The following DIAPH2 variants were observed in gnomAD, a reference collection of about 807,000 sequenced individuals.
DIAPH2 encodes protein diaphanous homolog 2.
DIAPH2 carries 35 observed loss-of-function variants against 92.7 expected under a neutral mutation model. The observed-to-expected ratio is 0.38, with a 90% CI of 0.29 to 0.50. The LOEUF (loss-of-function observed/expected upper bound fraction) is 0.50, where lower values mean the gene tolerates loss of function less well. Among genes scored for constraint, DIAPH2 ranks in the 20% least tolerant of loss-of-function variants. The pLI is 0.94. For missense variants in DIAPH2, 701 were observed against 819.5 expected (o/e 0.86, Z 1.77); for synonymous variants, 301 against 280.4 (o/e 1.07, Z -0.73).
intron 26 of DIAPH2, among the ~76,000 whole-genome samples, chrX:97,506,673 G>T (rs934730137): frequency 9.1e-6 from 1 of 110,434 alleles, no homozygotes; most frequent in South Asian, 3.9e-4. Context: ...ATGTCCAAGA[G>T]TCAGTTCGAG....
intron 22 of DIAPH2, among the ~76,000 whole-genome samples, chrX:97,179,912 A>G (rs188443546): frequency 1.4e-3 from 154 of 111,888 alleles, no homozygotes; most frequent in Non-Finnish European, 2.8e-3. Context: ...GATAAAACCA[A>G]CAGATCTTGT....
At chrX:97,150,243 A>G (rs984865793) in intron 22 of DIAPH2, among the ~76,000 whole-genome samples, 2 of 111,746 alleles carry the variant, frequency 1.8e-5, no homozygotes, top group African/African-American at 6.5e-5. Flanking sequence ...TAATCTAGTC[A>G]TTACCAAACA....
intron 10 of DIAPH2, among the ~76,000 whole-genome samples, chrX:96,936,987 C>T (rs138544001): frequency 0.016 from 1,819 of 110,982 alleles, 22 homozygotes; most frequent in Non-Finnish European, 0.022. Context: ...TAGAACTGAT[C>T]GTTAATTTTT....
At chrX:97,454,949 A>G (rs2070391279) in intron 26 of DIAPH2, among the ~76,000 whole-genome samples, 1 of 112,350 alleles carries the variant, frequency 8.9e-6, no homozygotes, top group Admixed American at 9.4e-5. Flanking sequence ...AAATAGACAC[A>G]CCTCAAATAT....
intron 4 of DIAPH2, among the ~76,000 whole-genome samples, chrX:96,769,347 G>T (rs1410573632): frequency 8.9e-6 from 1 of 111,951 alleles, no homozygotes; most frequent in Non-Finnish European, 1.9e-5. Context: ...AATAGCAGGA[G>T]TAAAGGTATC....
At chrX:97,402,938 G>A (rs1465311542) in intron 25 of DIAPH2, among the ~76,000 whole-genome samples, 1 of 112,376 alleles carries the variant, frequency 8.9e-6, no homozygotes, top group Non-Finnish European at 1.9e-5. Flanking sequence ...TTACAGATGA[G>A]TTTTGTTTTA....
At chrX:97,505,920 C>A (rs2070828638) in intron 26 of DIAPH2, among the ~76,000 whole-genome samples, 1 of 110,261 alleles carries the variant, frequency 9.1e-6, no homozygotes, top group South Asian at 3.8e-4. Flanking sequence ...TGTATATTTC[C>A]AATTCCCTCC....
chrX:96,811,162 C>A (rs1179418931), intron 4 of DIAPH2, among the ~76,000 whole-genome samples: 3 of 111,658 alleles, frequency 2.7e-5, no homozygotes, highest in Non-Finnish European at 3.8e-5. Context: ...ATGGAATGTT[C>A]TTCCATTTCT....
chrX:97,574,715 G>A lies in DIAPH2; in HGVS notation c.3242-24538G>A, dbSNP rs752711088. Among the ~76,000 whole-genome samples, 14 of 112,228 alleles carry A rather than the reference G, an allele frequency of 1.2e-4. No homozygotes were observed. In the South Asian group the frequency reaches 5.2e-3, roughly 42 times the overall value. On this transcript the variant is annotated intron_variant, in intron 26 of 26. Coordinates refer to ENST00000324765, the MANE Select transcript of DIAPH2 (RefSeq NM_006729.5). ...TGCTGGAACATAGGTATGAGAGGCT[G>A]GAAAGATGAATAGTCATGATAGGCC...
At chrX:97,249,387 T>C (rs918584172) in intron 23 of DIAPH2, among the ~76,000 whole-genome samples, 11 of 112,373 alleles carry the variant, frequency 9.8e-5, no homozygotes, top group African/African-American at 3.2e-4. Context: ...ATGTTACAGA[T>C]GAATGGTTAT....
chrX:96,923,253 A>G (rs2065558394), intron 9 of DIAPH2, among the ~76,000 whole-genome samples: 1 of 112,024 alleles, frequency 8.9e-6, no homozygotes, highest in Non-Finnish European at 1.9e-5. Flanking sequence ...ATAATTTAAT[A>G]CATTTAAAAA....
chrX:97,505,401 G>A (rs1008418300), intron 26 of DIAPH2, among the ~76,000 whole-genome samples: 3 of 112,001 alleles, frequency 2.7e-5, no homozygotes, highest in Non-Finnish European at 5.6e-5. Context: ...AAGCAAGGAG[G>A]CATTTGAGTA....
intron 26 of DIAPH2, among the ~76,000 whole-genome samples, chrX:97,504,729 A>C (rs1481143637): frequency 8.9e-6 from 1 of 112,482 alleles, no homozygotes; most frequent in Non-Finnish European, 1.9e-5. Context: ...CTGTGTCAGA[A>C]GTGATGCCAG....
chrX:96,787,686 CTTT>C (rs56998803), intron 4 of DIAPH2, among the ~76,000 whole-genome samples: 3 of 54,735 alleles, frequency 5.5e-5, no homozygotes, highest in Non-Finnish European at 3.0e-5. Context: ...ACTCTTTTCT[CTTT>C]TTTTTTTTTT....
intron 26 of DIAPH2, among the ~76,000 whole-genome samples, chrX:97,476,984 T>TACACACACACACACACACACAC (rs1190615516): frequency 1.8e-5 from 1 of 57,092 alleles, no homozygotes; most frequent in Non-Finnish European, 2.9e-5. Context: ...TATATATATA[T>TACACACACACACACACACACAC]ACACACACAC....
chrX:97,022,880 C>G (rs1242023404), intron 17 of DIAPH2, among the ~76,000 whole-genome samples: 1 of 110,623 alleles, frequency 9.0e-6, no homozygotes, highest in Non-Finnish European at 1.9e-5. Flanking sequence ...ATAGGGAGAC[C>G]CCATCTCTAC....
At chrX:97,062,672 A>G (rs965215540) in intron 17 of DIAPH2, among the ~76,000 whole-genome samples, 8 of 111,433 alleles carry the variant, frequency 7.2e-5, no homozygotes, top group Non-Finnish European at 1.5e-4. Flanking sequence ...CATTTCCAAA[A>G]TGGTCTCAAA....
intron 22 of DIAPH2, among the ~76,000 whole-genome samples, chrX:97,185,017 G>T (rs2067568288): frequency 9.3e-6 from 1 of 107,537 alleles, no homozygotes; most frequent in Admixed American, 1.0e-4. Flanking sequence ...GGTGGCTCAC[G>T]CATGTAATCC....
At chrX:96,740,856 A>T (rs185212752) in intron 3 of DIAPH2, among the ~76,000 whole-genome samples, 151 of 111,007 alleles carry the variant, frequency 1.4e-3, no homozygotes, top group African/African-American at 4.6e-3. Flanking sequence ...GAATCAGTTT[A>T]TATGTCCCTA....
Sources: allele counts gnomAD v4.1 joint callset (sites outside exome capture counted in the v4.1 genomes callset), GRCh38; gene constraint gnomAD v4.1.1; transcripts MANE v1.5; gene names NCBI Gene and HGNC (gene_info 2026-07-23, HGNC 2026-07-21).